ANK2: variants seen among roughly 807,000 people sequenced by gnomAD.
ANK2 encodes ankyrin-2.
ANK2 carries 83 observed loss-of-function variants against 360.5 expected under a neutral mutation model. The observed-to-expected ratio is 0.23, with a 90% CI of 0.19 to 0.28. The LOEUF is 0.28. Ranked by LOEUF, ANK2 falls within the 10% of genes least tolerant of loss-of-function variation. The pLI is 1.00. For missense variants in ANK2, 4,201 were observed against 4,795.7 expected, an observed-to-expected ratio of 0.88 and a Z score of 3.66; for synonymous variants, 1,740 against 1,759.5, an observed-to-expected ratio of 0.99 and a Z score of 0.28.
At chr4:112,947,388 A>G (rs1312827806) in intron 2 of ANK2, among the ~76,000 whole-genome samples, 2 of 152,202 alleles carry the variant, frequency 1.3e-5, no homozygotes, top group African/African-American at 4.8e-5. Context: ...ATAAGCTTAA[A>G]GTTTGGAAAA....
the ANK2 span, among the ~76,000 whole-genome samples, chr4:112,710,445 CA>C: frequency 6.6e-6 from 1 of 152,040 alleles, no homozygotes; most frequent in Non-Finnish European, 1.5e-5. Flanking sequence ...CCTGTAATCT[CA>C]GCACTTTGAG....
chr4:112,829,771 T>C (rs550999435), intron 1 of ANK2, among the ~76,000 whole-genome samples: 1 of 151,976 alleles, frequency 6.6e-6, no homozygotes, highest in African/African-American at 2.4e-5. Flanking sequence ...CTGGCTAACA[T>C]GGTGAAACCC....
the ANK2 span, among the ~76,000 whole-genome samples, chr4:112,767,669 G>A: frequency 2.6e-5 from 4 of 152,134 alleles, no homozygotes; most frequent in African/African-American, 9.7e-5. Context: ...TGGGCAGCAG[G>A]AAATAATATT....
At chr4:113,307,205 T>C (rs1363445285) in intron 23 of ANK2, among the ~76,000 whole-genome samples, 1 of 152,156 alleles carries the variant, frequency 6.6e-6, no homozygotes, top group Non-Finnish European at 1.5e-5. Context: ...AATGTTGGGA[T>C]GAAATATAGA....
At chr4:112,818,026 C>G (rs1305759447), upstream of ANK2, 1 of 152,366 alleles carries the variant, frequency 6.6e-6, no homozygotes, top group Non-Finnish European at 1.5e-5. Context: ...GATGGGCTGT[C>G]ACGTCTGGCT....
intron 4 of ANK2, among the ~76,000 whole-genome samples, chr4:113,209,246 C>T (rs1303807103): frequency 6.6e-6 from 1 of 151,868 alleles, no homozygotes; most frequent in Non-Finnish European, 1.5e-5. Flanking sequence ...TAGATGAAAC[C>T]TCACCAGTAG....
intron 39 of ANK2, among the ~76,000 whole-genome samples, chr4:113,362,220 G>A (rs561095152): frequency 7.2e-5 from 11 of 152,090 alleles, no homozygotes; most frequent in African/African-American, 1.4e-4. Flanking sequence ...TCCCAGTAAC[G>A]GCAGTAAATA....
chr4:112,888,630 C>T (rs1408153425), intron 1 of ANK2, among the ~76,000 whole-genome samples: 1 of 152,058 alleles, frequency 6.6e-6, no homozygotes, highest in African/African-American at 2.4e-5. Flanking sequence ...TCCACTCTCC[C>T]CCTGTCTACC....
At chr4:112,813,597 G>A (rs1397100195), upstream of ANK2, among the ~76,000 whole-genome samples, 3 of 152,008 alleles carry the variant, frequency 2.0e-5, no homozygotes, top group East Asian at 3.9e-4. Context: ...GTGCAGTGGC[G>A]TGATCATGGC....
At chr4:113,297,677 A>G (rs1261372903) in intron 22 of ANK2, among the ~76,000 whole-genome samples, 3 of 152,138 alleles carry the variant, frequency 2.0e-5, no homozygotes, top group Admixed American at 2.0e-4. Flanking sequence ...ATCGATTAGA[A>G]ATTAAATTGC....
intron 1 of ANK2, among the ~76,000 whole-genome samples, chr4:113,095,829 T>C (rs2090798870): frequency 6.6e-6 from 1 of 152,168 alleles, no homozygotes; most frequent in Non-Finnish European, 1.5e-5. Flanking sequence ...TCCATGCATG[T>C]TTATAGTAGT....
rs29400 is a variant in ANK2, at chr4:113,272,517, G to A, written c.1486-1935G>A. Among the ~76,000 whole-genome samples, 763 of 152,280 alleles carry A rather than the reference G, an allele frequency of 5.0e-3. 5 individuals carry two copies. Among genetic ancestry groups the A allele is most frequent in the African/African-American group, 0.017 (718 of 41,542 alleles). On this transcript the variant is annotated intron_variant, in intron 14 of 45. Transcript: ENST00000357077. ...AAAAGTCTTATATCCCTGGTTACAG[G>A]TTGAAAGATTTTCTTTGCAAAATTT...
Position 113,227,181 on chromosome 4 carries a change from T to C in ANK2, c.385-4980T>C, listed in dbSNP as rs150390863. On this transcript the variant is annotated intron_variant, in intron 4 of 45. Coordinates refer to ENST00000357077, the MANE Select transcript of ANK2 (RefSeq NM_001148.6). ...GCTATTTTTTGTTGTTAAATACCAGTAAGTTAAGAGAGAATAATTTCCACA... is the reference window on the plus strand; with the variant it reads ...GCTATTTTTTGTTGTTAAATACCAGCAAGTTAAGAGAGAATAATTTCCACA... Among the ~76,000 whole-genome samples the C allele has an allele frequency of 1.5e-4, 23 of 152,294 alleles. 1 individual carries two copies. Among genetic ancestry groups the C allele is most frequent in the African/African-American group, 5.5e-4 (23 of 41,572 alleles).
intron 2 of ANK2, among the ~76,000 whole-genome samples, chr4:112,936,613 G>T (rs1217065272): frequency 6.6e-6 from 1 of 152,030 alleles, no homozygotes; most frequent in Non-Finnish European, 1.5e-5. Flanking sequence ...CAAAGTGCTG[G>T]GATTACAGGC....
intron 2 of ANK2, among the ~76,000 whole-genome samples, chr4:113,185,467 A>T (rs571420134): frequency 3.3e-5 from 5 of 152,332 alleles, no homozygotes; most frequent in African/African-American, 9.6e-5. Context: ...ATGACCAGTG[A>T]TAATAAGCTT....
chr4:112,758,981 G>A, the ANK2 span, among the ~76,000 whole-genome samples: 1 of 152,122 alleles, frequency 6.6e-6, no homozygotes, highest in East Asian at 1.9e-4. Flanking sequence ...GACCTTTATA[G>A]GTGACCTATC....
At chr4:113,310,720 T>A (rs1389955733) in intron 23 of ANK2, among the ~76,000 whole-genome samples, 1 of 152,230 alleles carries the variant, frequency 6.6e-6, no homozygotes, top group East Asian at 1.9e-4. Flanking sequence ...GCCAGCCAAC[T>A]TTTAGTTTTT....
chr4:113,271,581 T>C (rs1181253513), intron 14 of ANK2, among the ~76,000 whole-genome samples: 1 of 152,112 alleles, frequency 6.6e-6, no homozygotes, highest in Non-Finnish European at 1.5e-5. Flanking sequence ...AGTAAAAAAT[T>C]GTGCCAAGCT....
intron 2 of ANK2, among the ~76,000 whole-genome samples, chr4:113,027,634 A>G (rs10014072): frequency 0.65 from 98,559 of 151,916 alleles, 32,363 homozygotes; most frequent in Admixed American, 0.73. Flanking sequence ...TCTTACAGCC[A>G]TTTCCTTTTA....
Sources: gnomAD v4.1 joint callset for allele counts (sites outside exome capture counted in the v4.1 genomes callset) on GRCh38, gnomAD v4.1.1 for gene constraint, MANE v1.5 for transcripts, NCBI Gene and HGNC (gene_info 2026-07-23, HGNC 2026-07-21) for gene names.